The following TICRR variants were observed in gnomAD, a reference collection of about 807,000 sequenced individuals.
The protein encoded by TICRR is TOPBP1 interacting checkpoint and replication regulator, also known as treslin.
Under a neutral mutation model 178.1 loss-of-function variants are expected in TICRR, and 132 were observed. That is an observed-to-expected ratio of 0.74 (90% CI 0.64 to 0.86). The LOEUF (loss-of-function observed/expected upper bound fraction) is 0.86, where lower values mean the gene tolerates loss of function less well. TICRR is among the 40% of genes least tolerant of loss of function. TICRR has a pLI of 0.00. For missense variants in TICRR, 2,587 were observed against 2,334.3 expected (o/e 1.11, Z -2.23); for synonymous variants, 991 against 900.7 (o/e 1.10, Z -1.79).
chr15:89,601,144 A>G (rs180765255), intron 9 of TICRR, among the ~76,000 whole-genome samples, 154 bp from the exon 10 acceptor site: 61 of 151,488 alleles, frequency 4.0e-4, no homozygotes, highest in African/African-American at 1.5e-3. Context: ...TGAATCACCT[A>G]TTTATCTAAT....
At position 89,606,233 on chromosome 15, in the gene TICRR, A is replaced by G. The variant is rs113761849; in HGVS notation, c.2665-535A>G. ...CTTAATATTTTCCTTTTTCCTCCCT[A>G]TCACAGATCTCTATGTTAGTACAAG... On this transcript the variant is annotated intron_variant, in intron 13 of 21. Transcript: ENST00000268138. Among the ~76,000 whole-genome samples, 66 of 152,308 alleles carry G rather than the reference A, an allele frequency of 4.3e-4. 1 individual carries two copies. Among genetic ancestry groups the G allele is most frequent in the Middle Eastern group, 3.4e-3 (1 of 294 alleles).
Position 89,594,534 on chromosome 15 carries a change from A to C in TICRR, c.1661A>C (p.Gln554Pro). Residue 554 changes from glutamine to proline, a missense_variant, in exon 6 of 22, where the codon CAA becomes CCA. Physicochemically the swap from Gln to Pro is moderately conservative, Grantham distance 76. Coordinates refer to ENST00000268138, the MANE Select transcript of TICRR (RefSeq NM_152259.4). ...CGTGAAGAATCCACTATAGCTCATC[A>C]AGAAGACAGCAAAAAGAAACGTATG... ...KSREESTIAH[Q>P]EDSKKKRGVP... 1 of 1,601,548 alleles carries C rather than the reference A, an allele frequency of 6.2e-7. No homozygotes were observed. Among genetic ancestry groups the C allele is most frequent in the South Asian group, 1.1e-5 (1 of 88,754 alleles).
At chr15:89,618,677 A>C (rs186316650) in intron 17 of TICRR, among the ~76,000 whole-genome samples, 324 of 152,316 alleles carry the variant, frequency 2.1e-3, no homozygotes, top group African/African-American at 7.3e-3. Context: ...AATGAGGGTG[A>C]GCAGCAGGTG....
At chr15:89,593,927 A>G (rs1962954230) in intron 5 of TICRR, among the ~76,000 whole-genome samples, 5 of 152,214 alleles carry the variant, frequency 3.3e-5, no homozygotes. Flanking sequence ...CTAGGTGGAA[A>G]AGGATTTAAT....
At chr15:89,603,309 G>A (rs1329608606) in intron 13 of TICRR, among the ~76,000 whole-genome samples, 1 of 152,210 alleles carries the variant, frequency 6.6e-6, no homozygotes, top group African/African-American at 2.4e-5. Flanking sequence ...AGGCACAGCG[G>A]CTCACACCTA....
chr15:89,575,631 C>T lies in TICRR; in HGVS notation c.45C>T (p.Gly15=), dbSNP rs987866987. 1 of 1,544,084 alleles carries T rather than the reference C, an allele frequency of 6.5e-7. No individual in the cohort carries two copies. The highest frequency in any genetic ancestry group is 2.1e-5 in the Admixed American group (1 of 48,084). The part of the protein sequence containing the change: ...HKVMLLLDTA[G]GAARHSRVRR... Reference sequence around the variant, plus strand: ...TAATGCTGCTGCTGGACACCGCGGGCGGCGCCGCCCGCCACAGCCGGGTCC... The same window carrying T: ...TAATGCTGCTGCTGGACACCGCGGGTGGCGCCGCCCGCCACAGCCGGGTCC... Residue 15 remains glycine (G), a synonymous_variant, in exon 1 of 22, where the codon GGC becomes GGT. Transcript: ENST00000268138.
rs770191467 is a variant in TICRR, at chr15:89,625,274, G to C, written c.4964G>C (p.Ser1655Thr). 6.2e-7 allele frequency: 1 copy of C among 1,613,754 alleles called. No homozygotes were observed. Among genetic ancestry groups the C allele is most frequent in the Admixed American group, 1.7e-5 (1 of 60,002 alleles). ...QACTPTHGPS[S>T]TPSPFQTDGV... ...TGTACCCCCACCCACGGCCCTTCTAGTACCCCCTCTCCATTTCAAACAGAT... is the reference window on the plus strand; with the variant it reads ...TGTACCCCCACCCACGGCCCTTCTACTACCCCCTCTCCATTTCAAACAGAT... Residue 1655 changes from serine to threonine, a missense_variant, in exon 20 of 22, where the codon AGT (serine) becomes ACT (threonine). By Grantham distance (58) the Ser-to-Thr change is moderately conservative. Transcript: ENST00000268138.
chr15:89,606,904 T>TTAAA, intron 14 of TICRR, 79 bp downstream of exon 14: 2 of 1,251,794 alleles, frequency 1.6e-6, no homozygotes, highest in Non-Finnish European at 2.3e-6. Flanking sequence ...AAGCAGCTGC[T>TTAAA]TACAGGTGTA....
chr15:89,576,825 A>G (rs201184435), intron 1 of TICRR, among the ~76,000 whole-genome samples: 742 of 3,592 alleles, frequency 0.21, 20 homozygotes, highest in Middle Eastern at 0.5. Context: ...GTGTGTGTAT[A>G]TATATATATA....
At chr15:89,577,677 C>T (rs1271665423) in intron 1 of TICRR, among the ~76,000 whole-genome samples, 6 of 127,538 alleles carry the variant, frequency 4.7e-5, no homozygotes, top group South Asian at 2.6e-4. Context: ...GGCGTGATCT[C>T]GGCTCACTGC....
intron 19 of TICRR, among the ~76,000 whole-genome samples, chr15:89,622,246 A>G (rs999878640): frequency 3.9e-5 from 6 of 152,182 alleles, no homozygotes; most frequent in Admixed American, 6.5e-5. Context: ...TCAGCCTTCC[A>G]AAGTGCTGGG....
rs563633631 is a variant in TICRR at position 89,598,884 on chromosome 15, G to T, written c.1901-440G>T. Among the ~76,000 whole-genome samples, 3 of 152,080 alleles carry T rather than the reference G, an allele frequency of 2.0e-5. No homozygotes were observed. In the South Asian group the frequency reaches 6.2e-4, roughly 32 times the overall value. On this transcript the variant is annotated intron_variant, in intron 7 of 21. Coordinates refer to ENST00000268138, the MANE Select transcript of TICRR (RefSeq NM_152259.4). ...AAGCTAGGTGTGGTGGCACATGCTT[G>T]TGGTCCCAGCTACTCCAGAGGCTGA...
chr15:89,578,726 T>G (rs1962669124), intron 1 of TICRR, among the ~76,000 whole-genome samples: 1 of 152,116 alleles, frequency 6.6e-6, no homozygotes, highest in Admixed American at 6.6e-5. Context: ...CTTCCAGGTC[T>G]GATGTACCGT....
chr15:89,587,862 T>A (rs1962847948), intron 4 of TICRR, among the ~76,000 whole-genome samples: 1 of 152,116 alleles, frequency 6.6e-6, no homozygotes, highest in Admixed American at 6.6e-5. Context: ...AAACAGTGGC[T>A]AGAGAGGGAA....
intron 16 of TICRR, among the ~76,000 whole-genome samples, chr15:89,617,622 A>C (rs548664298): frequency 4.3e-4 from 66 of 152,000 alleles, no homozygotes; most frequent in African/African-American, 1.5e-3. Context: ...TCCCAGGTTC[A>C]AGTGATTCTC....
At chr15:89,598,182 C>T (rs1963031540) in intron 7 of TICRR, among the ~76,000 whole-genome samples, 1 of 151,980 alleles carries the variant, frequency 6.6e-6, no homozygotes, top group South Asian at 2.1e-4. Flanking sequence ...ACCGTGTTAG[C>T]CAGGATGGTC....
chr15:89,610,751 C>T (rs1963244354), intron 15 of TICRR, among the ~76,000 whole-genome samples: 1 of 151,670 alleles, frequency 6.6e-6, no homozygotes. Flanking sequence ...TTTTTTGTTT[C>T]TCAATTCCTG....
At chr15:89,612,876 T>A (rs1390172161) in intron 15 of TICRR, among the ~76,000 whole-genome samples, 1 of 152,256 alleles carries the variant, frequency 6.6e-6, no homozygotes, top group Non-Finnish European at 1.5e-5. Flanking sequence ...CCTTCTTAGT[T>A]CTATATTGTC....
At chr15:89,611,432 T>C (rs1045749659) in intron 15 of TICRR, among the ~76,000 whole-genome samples, 6 of 152,234 alleles carry the variant, frequency 3.9e-5, no homozygotes, top group Non-Finnish European at 7.3e-5. Flanking sequence ...TTTCAACACT[T>C]TGACTACAAC....
Sources: gnomAD v4.1 joint callset for allele counts (sites outside exome capture counted in the v4.1 genomes callset) on GRCh38, gnomAD v4.1.1 for gene constraint, MANE v1.5 for transcripts, NCBI Gene and HGNC (gene_info 2026-07-23, HGNC 2026-07-21) for gene names.